Variants in HNRNPC observed in about 807,000 individuals in gnomAD.
HNRNPC encodes the protein heterogeneous nuclear ribonucleoprotein C.
A neutral mutation model predicts 33.2 loss-of-function variants in HNRNPC; 3 were observed. That is an observed-to-expected ratio of 0.09 (90% CI 0.04 to 0.23). HNRNPC has a LOEUF of 0.23. Ranked by LOEUF, HNRNPC falls within the 10% of genes least tolerant of loss-of-function variation. HNRNPC has a pLI of 1.00. For missense variants in HNRNPC, 143 were observed against 366.7 expected (o/e 0.39, Z 4.98); for synonymous variants, 121 against 126.7 (o/e 0.96, Z 0.30).
chr14:21,253,932 T>G (rs755617863), intron 2 of HNRNPC, among the ~76,000 whole-genome samples: 64 of 151,474 alleles, frequency 4.2e-4, no homozygotes, highest in Non-Finnish European at 7.8e-4. Flanking sequence ...GCTGGGTGTG[T>G]TGGCACGCAC....
At chr14:21,244,438 C>T (rs1458277381) in intron 2 of HNRNPC, among the ~76,000 whole-genome samples, 2 of 152,170 alleles carry the variant, frequency 1.3e-5, no homozygotes, top group Non-Finnish European at 2.9e-5. Context: ...TAATTTCCCC[C>T]GAGGTCCCTC....
intron 3 of HNRNPC, among the ~76,000 whole-genome samples, chr14:21,233,696 G>T (rs1894365764): frequency 6.6e-6 from 1 of 152,174 alleles, no homozygotes; most frequent in African/African-American, 2.4e-5. Flanking sequence ...TTTTTACATT[G>T]TGAAGTGTCA....
chr14:21,230,913 C>T (rs1894044295), intron 4 of HNRNPC, 84 bp downstream of exon 4: 1 of 1,458,156 alleles, frequency 6.9e-7, no homozygotes, highest in Non-Finnish European at 9.6e-7. Context: ...AGAGAAGATG[C>T]CCACTGATGG....
rs147745557 is a variant in HNRNPC, at chr14:21,246,330, C to G, written c.-36-12101G>C. Among the ~76,000 whole-genome samples, 1,216 of 152,198 alleles carry G rather than the reference C, an allele frequency of 8.0e-3. 21 individuals are homozygous for G. The highest frequency in any genetic ancestry group is 0.028 in the African/African-American group (1,159 of 41,516). ...ATCCCAGCACTTTGGAAGGCCGAGG[C>G]TGGTGGATCACGAGGTTAAGAGATC... On this transcript the variant is annotated intron_variant, in intron 2 of 8. Coordinates refer to ENST00000553300, the MANE Select transcript of HNRNPC (RefSeq NM_004500.4).
At chr14:21,243,638 C>T (rs764276655) in intron 2 of HNRNPC, among the ~76,000 whole-genome samples, 19 of 152,172 alleles carry the variant, frequency 1.2e-4, no homozygotes, top group South Asian at 2.1e-4. Context: ...AACCAGTACA[C>T]GTTTTGTAGG....
intron 6 of HNRNPC, 167 bp from the exon 7 acceptor site, chr14:21,212,090 C>T (rs1006743696): frequency 2.5e-5 from 15 of 594,122 alleles, no homozygotes; most frequent in Middle Eastern, 5.7e-4. Flanking sequence ...TTATAAAGCA[C>T]GTTCTGTAAT....
intron 5 of HNRNPC, among the ~76,000 whole-genome samples, chr14:21,213,843 A>C (rs1891874548): frequency 6.6e-6 from 1 of 152,178 alleles, no homozygotes; most frequent in Non-Finnish European, 1.5e-5. Flanking sequence ...CCTATGTCTA[A>C]ATTCACTGGC....
At position 21,255,192 on chromosome 14, in the gene HNRNPC, C is replaced by T. The variant is rs191078332; in HGVS notation, c.-37+8119G>A. ...TGTTCAAAATGTACTCTACTAAACT[C>T]CTAAATGTTATTCAAGACTAGCCAG... On this transcript the variant is annotated intron_variant, in intron 2 of 8. Coordinates refer to ENST00000553300, the MANE Select transcript of HNRNPC (RefSeq NM_004500.4). Among the ~76,000 whole-genome samples, 346 of 152,192 alleles carry T rather than the reference C, an allele frequency of 2.3e-3. 2 individuals carry two copies. Among genetic ancestry groups the T allele is most frequent in the Middle Eastern group, 0.014 (4 of 294 alleles).
intron 2 of HNRNPC, among the ~76,000 whole-genome samples, chr14:21,252,869 T>C (rs1456026717): frequency 6.6e-6 from 1 of 152,028 alleles, no homozygotes; most frequent in African/African-American, 2.4e-5. Context: ...TATGTGAAAT[T>C]TTTTCACAAT....
In HNRNPC at chr14:21,230,360, A is replaced by G. The variant is rs11559126; in HGVS notation, c.324T>C (p.Ser108=). 3 of 1,608,882 alleles carry G rather than the reference A, an allele frequency of 1.9e-6. No homozygotes were observed. Among genetic ancestry groups the G allele is most frequent in the African/African-American group, 1.3e-5 (1 of 74,916 alleles). The change falls in exon 5 of 9, where the codon TCT becomes TCC. Residue 108 remains serine (S), a synonymous_variant. Transcript: ENST00000553300. ...KRSAAEMYGS[S]FDLDYDFQRD... ...GTTGAAAGTCATAGTCCAAGTCAAAAGAGGAGCTGAAAAATAAATACCGAA... is the reference window on the plus strand; with the variant it reads ...GTTGAAAGTCATAGTCCAAGTCAAAGGAGGAGCTGAAAAATAAATACCGAA...
In HNRNPC at chr14:21,258,174, C is replaced by T. The variant is rs1165597471; in HGVS notation, c.-37+5137G>A. On this transcript the variant is annotated intron_variant, in intron 2 of 8. Transcript: ENST00000553300. ...TTGGGAAATCGAGGTGGGCGGATCA[C>T]GAGGTCAGGATTTCTAGACCAGCCT... Among the ~76,000 whole-genome samples the T allele has an allele frequency of 3.9e-5, 6 of 152,058 alleles. 1 individual carries two copies. The highest frequency in any genetic ancestry group is 4.1e-4 in the South Asian group (2 of 4,820).
chr14:21,261,659 G>C (rs189775193), intron 2 of HNRNPC, among the ~76,000 whole-genome samples: 19 of 152,278 alleles, frequency 1.2e-4, no homozygotes, highest in Non-Finnish European at 2.8e-4. Flanking sequence ...CTTTGGGGGT[G>C]TCAAGGCAGG....
At position 21,210,730 on chromosome 14, in the gene HNRNPC, A is replaced by T. The variant is rs1196230426; in HGVS notation, c.*493T>A. 1 of 153,818 alleles carries T rather than the reference A, an allele frequency of 6.5e-6. No individual in the cohort carries two copies. The highest frequency in any genetic ancestry group is 1.5e-5 in the Non-Finnish European group (1 of 68,926). The allele number at this position is 153,818 out of a possible 1,614,324, so 9.5% of individuals were successfully genotyped here. On this transcript the variant is annotated 3_prime_UTR_variant, in exon 9 of 9. Coordinates refer to ENST00000553300, the MANE Select transcript of HNRNPC (RefSeq NM_004500.4). ...GACATGCCAACTCTCATTCACAAAA[A>T]TACATTGTTACATTTGTGTTGAACT... is the stretch of plus-strand genomic sequence containing the variant.
intron 2 of HNRNPC, among the ~76,000 whole-genome samples, chr14:21,250,832 C>T (rs1896567047): frequency 6.6e-6 from 1 of 152,166 alleles, no homozygotes. Context: ...GTTCTAGATT[C>T]GTTCTTTTCA....
Position 21,234,244 on chromosome 14 carries a change from A to C in HNRNPC, c.-36-15T>G. 1 of 1,599,452 alleles carries C rather than the reference A, an allele frequency of 6.3e-7. No individual in the cohort carries two copies. The highest frequency in any genetic ancestry group is 8.5e-7 in the Non-Finnish European group (1 of 1,172,150). Reference sequence around the variant, plus strand: ...AAAGCCGAAAACTGTAAAGCAAAAAAAAGTATACAGGTGAACAGATGCTAA... The same window carrying C: ...AAAGCCGAAAACTGTAAAGCAAAAACAAGTATACAGGTGAACAGATGCTAA... On this transcript the variant is annotated splice_polypyrimidine_tract_variant and intron_variant, in intron 2 of 8. Transcript: ENST00000553300.
chr14:21,243,951 ATGT>A (rs898796545), intron 2 of HNRNPC, among the ~76,000 whole-genome samples: 7 of 149,050 alleles, frequency 4.7e-5, no homozygotes, highest in African/African-American at 1.7e-4. Context: ...AAACATAAAA[ATGT>A]TGATGGTGGT....
chr14:21,217,104 C>A (rs1276026470), intron 5 of HNRNPC, among the ~76,000 whole-genome samples: 1 of 152,122 alleles, frequency 6.6e-6, no homozygotes, highest in Admixed American at 6.5e-5. Flanking sequence ...AATATTTCAG[C>A]CGGTGGGGCT....
Position 21,239,141 on chromosome 14 carries a change from C to T in HNRNPC, c.-36-4912G>A, listed in dbSNP as rs1414099712. On this transcript the variant is annotated intron_variant, in intron 2 of 8. Transcript: ENST00000553300. ...ACTGTCTCAAAAACAAACAAACATA[C>T]AGTTCAAATATTCCAGCCTCCATTA... is the stretch of plus-strand genomic sequence containing the variant. Among the ~76,000 whole-genome samples the T allele has an allele frequency of 4.6e-5, 7 of 152,162 alleles. No homozygotes were observed. In the East Asian group the frequency reaches 1.4e-3, roughly 29 times the overall value.
At chr14:21,267,556 A>T (rs74693625) in intron 1 of HNRNPC, among the ~76,000 whole-genome samples, 23,204 of 152,186 alleles carry the variant, frequency 0.15, 2,259 homozygotes, top group South Asian at 0.23. Flanking sequence ...GGGGAAAAAA[A>T]AGGTCAGAAA....
Sources: allele counts gnomAD v4.1 joint callset (sites outside exome capture counted in the v4.1 genomes callset), GRCh38; gene constraint gnomAD v4.1.1; transcripts MANE v1.5; gene names NCBI Gene and HGNC (gene_info 2026-07-23, HGNC 2026-07-21).